The following PLEC variants were observed in gnomAD, a reference collection of about 807,000 sequenced individuals.
The protein encoded by PLEC is hemidesmosomal protein 1.
A neutral mutation model predicts 392.8 loss-of-function variants in PLEC; 216 were observed. That is an observed-to-expected ratio of 0.55 (90% confidence interval 0.49 to 0.62). The LOEUF (loss-of-function observed/expected upper bound fraction) is 0.62, where lower values mean the gene tolerates loss of function less well. PLEC is among the 20% of genes least tolerant of loss of function. The probability of loss-of-function intolerance (pLI) is 0.00; values close to 1 mark genes in which losing one functional copy is unlikely to be tolerated. For synonymous variants in PLEC, 3,621 were observed against 2,980.6 expected, an observed-to-expected ratio of 1.21 and a Z score of -7.00; for missense variants, 6,863 against 6,563.4, an observed-to-expected ratio of 1.05 and a Z score of -1.58.
In PLEC at chr8:143,937,999, G is replaced by A. The variant is rs2132238195; in HGVS notation, c.264+152C>T. 10 of 655,202 alleles carry A rather than the reference G, an allele frequency of 1.5e-5. No homozygotes were observed. The South Asian group carries it at 1.7e-4, about 11-fold the overall frequency. The allele number at this position is 655,202 out of a possible 1,614,324, so 40.6% of individuals were successfully genotyped here. ...CAGCCTGGGCGGGAGGTGCTGCCAG[G>A]GACGAGGCCAGCCTGCCCCCAGGGA... On this transcript the variant is annotated intron_variant, in intron 3 of 31. Coordinates refer to ENST00000345136, the MANE Select transcript of PLEC (RefSeq NM_201384.3).
upstream of PLEC, among the ~76,000 whole-genome samples, chr8:143,940,681 C>T (rs1830293403): frequency 6.6e-6 from 1 of 152,312 alleles, no homozygotes; most frequent in Admixed American, 6.5e-5. Context: ...TTCGGTCCAG[C>T]TGGGAGCTGC....
In PLEC at chr8:143,925,749, G is replaced by A. The variant is rs1824899203; in HGVS notation, c.4180C>T (p.Gln1394Ter). Residue 1394 changes from glutamine to a stop codon, truncating the protein, a stop_gained, in exon 31 of 32, where the codon CAG (glutamine) becomes TAG (stop). Transcript: ENST00000345136. LOFTEE classifies it high-confidence loss of function. ...AQAEREAKELQQRMQEEVVRR... is the reference protein window; with the variant it reads ...AQAEREAKEL Reference sequence around the variant, plus strand: ...ACCACCTCCTCCTGCATGCGCTGCTGCAGCTCCTTCGCCTCCCGCTCCGCC... The same window carrying A: ...ACCACCTCCTCCTGCATGCGCTGCTACAGCTCCTTCGCCTCCCGCTCCGCC... The A allele has an allele frequency of 6.3e-7, 1 of 1,594,206 alleles. No homozygotes were observed. The highest frequency in any genetic ancestry group is 8.5e-7 in the Non-Finnish European group (1 of 1,177,336).
chr8:143,925,275 G>A lies in PLEC; in HGVS notation c.4654C>T (p.Leu1552=), dbSNP rs1554701712. 7.0e-6 allele frequency: 11 copies of A among 1,579,054 alleles called. No homozygotes were observed. Among genetic ancestry groups the A allele is most frequent in the Admixed American group, 1.7e-5 (1 of 58,706 alleles). ...RLQAEEAERR[L]RQAEVERARQ... ...GCTCGCTCCACCTCGGCCTGCCGCAGGCGCCGCTCCGCCTCCTCCGCCTGC... is the reference window on the plus strand; with the variant it reads ...GCTCGCTCCACCTCGGCCTGCCGCAAGCGCCGCTCCGCCTCCTCCGCCTGC... The change falls in exon 31 of 32, where the codon CTG becomes TTG. Residue 1552 remains leucine (L), a synonymous_variant. Coordinates refer to ENST00000345136, the MANE Select transcript of PLEC (RefSeq NM_201384.3).
intron 18 of PLEC, 128 bp from the exon 19 acceptor site, chr8:143,931,787 G>A: frequency 1.4e-6 from 2 of 1,480,732 alleles, no homozygotes; most frequent in Non-Finnish European, 1.8e-6. Context: ...GGCCTGGGGA[G>A]CACCCCTGTC....
In PLEC at chr8:143,931,645, C is replaced by T; in HGVS notation, c.2193G>A (p.Val731=). 1.2e-6 allele frequency: 2 copies of T among 1,600,702 alleles called. No homozygotes were observed. Among genetic ancestry groups the T allele is most frequent in the Non-Finnish European group, 1.7e-6 (2 of 1,174,354 alleles). The change falls in exon 19 of 32, where the codon GTG becomes GTA. Residue 731 remains valine, a synonymous_variant. Transcript: ENST00000345136. ...NAAYFQFFSD[V]REAEGQLQKL... is the part of the protein sequence containing the mutation. The stretch of plus-strand genomic sequence containing the variant: ...TCTGCAACTGCCCCTCGGCCTCCCG[C>T]ACATCTGAGAAGAACTGGGGCAGCG...
Position 143,969,252 on chromosome 8 carries a change from C to G in PLEC, c.70+4151G>C, listed in dbSNP as rs1412555555. ...TCCCGGCAAGTCGAAGAGGCCAGAC[C>G]CAGGGCCAGTACAGGCCAATCCATA... On this transcript the variant is annotated intron_variant, in intron 1 of 31. Coordinates refer to the PLEC transcript ENST00000356346. This position sits in a 1 kb window ranked among gnomAD's most constrained non-coding sequence, Gnocchi z 5.1. Among the ~76,000 whole-genome samples, 1 of 152,202 alleles carries G rather than the reference C, an allele frequency of 6.6e-6. No individual in the cohort carries two copies. Among genetic ancestry groups the G allele is most frequent in the African/African-American group, 2.4e-5 (1 of 41,438 alleles).
At chr8:143,974,283 A>AC (rs1448311885), upstream of PLEC, among the ~76,000 whole-genome samples, 1 of 152,206 alleles carries the variant, frequency 6.6e-6, no homozygotes, top group Non-Finnish European at 1.5e-5. This position sits in a 1 kb window ranked among gnomAD's most constrained non-coding sequence, Gnocchi z 5.9. Context: ...GGGCCTCGGG[A>AC]CCCCCCACAC....
At position 143,925,036 on chromosome 8, in the gene PLEC, C is replaced by T. The variant is rs1824485149; in HGVS notation, c.4893G>A (p.Leu1631=). The T allele has an allele frequency of 6.4e-7, 1 of 1,561,112 alleles. No individual in the cohort carries two copies. The highest frequency in any genetic ancestry group is 8.6e-7 in the Non-Finnish European group (1 of 1,160,918). ...CGTTGGCCTTGAGCTGCCAGCGCTC[C>T]AGCTCCCGCTCTGCCTCCTCGCGCG... ...ERAREEAERE[L]ERWQLKANEA... Residue 1631 remains leucine (L), a synonymous_variant, in exon 31 of 32, where the codon CTG becomes CTA. Transcript: ENST00000345136.
At chr8:143,948,337 G>A (rs1444256358) in intron 1 of PLEC, among the ~76,000 whole-genome samples, 5 of 152,246 alleles carry the variant, frequency 3.3e-5, no homozygotes, top group Non-Finnish European at 7.3e-5. Context: ...GGGAAGGGCA[G>A]GGCAGCTCAC....
rs1820377860 is a variant in PLEC, at chr8:143,915,967, G to C, written c.*210C>G. 1 of 448,206 alleles carries C rather than the reference G, an allele frequency of 2.2e-6. No homozygotes were observed. The highest frequency in any genetic ancestry group is 2.1e-5 in the African/African-American group (1 of 47,096). 27.8% of individuals were successfully genotyped at this position (448,206 alleles called of 1,614,324 possible). A position where few individuals can be genotyped will look rare whatever the true frequency, so the allele number is the denominator to read the frequency against. ...GAAGGGAGTGAGGAGACCCGAGGGG[G>C]TGAGGCGGCCAGCAGGGCTGGGCCA... On this transcript the variant is annotated 3_prime_UTR_variant, in exon 32 of 32. Transcript: ENST00000345136.
chr8:143,921,307 C>T lies in PLEC; in HGVS notation c.8514G>A (p.Glu2838=), dbSNP rs782568079. Residue 2838 remains glutamate, a synonymous_variant, in exon 32 of 32, where the codon GAG becomes GAA. Coordinates refer to ENST00000345136, the MANE Select transcript of PLEC (RefSeq NM_201384.3). ...TGGGGTCCGCCAGGACGCGGTTCAT[C>T]TCCTCGTCGAAGTAGCCGCGCCGGT... ...VAYRRGYFDE[E]MNRVLADPSD... The T allele has an allele frequency of 3.7e-6, 6 of 1,613,994 alleles. No individual in the cohort carries two copies. The highest frequency in any genetic ancestry group is 2.2e-5 in the East Asian group (1 of 44,884).
intron 4 of PLEC, 29 bp from the exon 5 acceptor site, chr8:143,937,100 C>T (rs1554724061): frequency 1.2e-6 from 2 of 1,610,226 alleles, no homozygotes; most frequent in South Asian, 2.2e-5. Flanking sequence ...CGGTCACGGC[C>T]CACAGGGCGG....
chr8:143,937,134 G>A lies in PLEC; in HGVS notation c.342+31C>T, dbSNP rs376858226. On this transcript the variant is annotated intron_variant, in intron 4 of 31. Transcript: ENST00000345136. The stretch of plus-strand genomic sequence containing the variant: ...GGGGCTGGCTTGGTGAGGGGTCTGG[G>A]TGGGGCCCAGGGCCTGCCGGGCAGC... 46 of 1,609,384 alleles carry A rather than the reference G, an allele frequency of 2.9e-5. No homozygotes were observed. In the African/African-American group the frequency reaches 4.3e-4, roughly 15 times the overall value.
chr8:143,941,189 G>A (rs117237647), upstream of PLEC, among the ~76,000 whole-genome samples: 1,156 of 152,316 alleles, frequency 7.6e-3, 72 homozygotes, highest in East Asian at 0.16. Context: ...CTGGGGGCCC[G>A]GCCGTGACCA....
chr8:143,932,303 C>G (rs1043130938), intron 16 of PLEC, 69 bp from the exon 17 acceptor site: 16 of 1,607,350 alleles, frequency 1.0e-5, no homozygotes, highest in East Asian at 8.9e-5. Flanking sequence ...CCAGCAAACT[C>G]GACCCAGGGC....
upstream of PLEC, chr8:143,975,147 A>T: frequency 6.3e-7 from 1 of 1,593,756 alleles, no homozygotes; most frequent in Non-Finnish European, 8.5e-7. The surrounding 1 kb of genome is among the most constrained non-coding windows in gnomAD (Gnocchi z 9.9). Context: ...CGTGCCAAGG[A>T]GGTGCACAGG....
At chr8:143,946,280 G>A in intron 1 of PLEC, 1 of 1,134,878 alleles carries the variant, frequency 8.8e-7, no homozygotes, top group African/African-American at 1.6e-5. Context: ...AACGGGAAGA[G>A]ACAGGTCTGC....
At position 143,916,333 on chromosome 8, in the gene PLEC, G is replaced by A. The variant is rs1469894702; in HGVS notation, c.13488C>T (p.Gly4496=). 1.1e-5 allele frequency: 18 copies of A among 1,596,016 alleles called. No individual in the cohort carries two copies. The highest frequency in any genetic ancestry group is 1.8e-4 in the Middle Eastern group (1 of 5,512). ...TAGSRTGSRT[G]SRAGSRRGSF... Reference sequence around the variant, plus strand: ...TGCCGCGGCGGGAGCCGGCCCGGGAGCCGGTGCGCGAGCCGGTGCGGGAGC... The same window carrying A: ...TGCCGCGGCGGGAGCCGGCCCGGGAACCGGTGCGCGAGCCGGTGCGGGAGC... Residue 4496 remains glycine, a synonymous_variant, in exon 32 of 32, where the codon GGC becomes GGT. Coordinates refer to ENST00000345136, the MANE Select transcript of PLEC (RefSeq NM_201384.3).
chr8:143,917,189 T>C lies in PLEC; in HGVS notation c.12632A>G (p.Lys4211Arg), dbSNP rs782020722. ...RQYDIDDAIA[K>R]NLIDRSALDQ... ...CAGTGCCGAGCGGTCGATGAGGTTC[T>C]TGGCGATGGCATCATCGATGTCGTA... is the stretch of plus-strand genomic sequence containing the variant. Residue 4211 changes from lysine to arginine, a missense_variant, in exon 32 of 32, where the codon AAG (lysine) becomes AGG (arginine). Coordinates refer to ENST00000345136, the MANE Select transcript of PLEC (RefSeq NM_201384.3). 2.5e-6 allele frequency: 4 copies of C among 1,612,804 alleles called. No individual in the cohort carries two copies. The South Asian group carries it at 4.4e-5, about 18-fold the overall frequency.
Sources: gnomAD v4.1 joint callset for allele counts (sites outside exome capture counted in the v4.1 genomes callset) on GRCh38, gnomAD v4.1.1 for gene constraint, Gnocchi (gnomAD v3.1) non-coding constraint, MANE v1.5 for transcripts, NCBI Gene and HGNC (gene_info 2026-07-23, HGNC 2026-07-21) for gene names.